Variants in ENAH observed in about 807,000 individuals in gnomAD.
The protein encoded by ENAH is protein enabled homolog.
In ENAH, 23 loss-of-function variants were observed where a neutral mutation model predicts 78.7. The observed-to-expected ratio is 0.29, with a 90% confidence interval of 0.21 to 0.41. The LOEUF (loss-of-function observed/expected upper bound fraction) is 0.41, where lower values mean the gene tolerates loss of function less well. Ranked by LOEUF, ENAH falls within the 10% of genes least tolerant of loss-of-function variation. The pLI, the probability that ENAH is intolerant of heterozygous loss-of-function variation, is 1.00. For synonymous variants in ENAH, 226 were observed against 241.0 expected (o/e 0.94, Z 0.58); for missense variants, 544 against 691.0 (o/e 0.79, Z 2.39).
In ENAH at chr1:225,517,198, T is replaced by G. The variant is rs1180955844; in HGVS notation, c.911A>C (p.Gln304Pro). Residue 304 changes from glutamine (Q) to proline (P), a missense_variant and splice_region_variant, in exon 6 of 14, where the codon CAG becomes CCG. Physicochemically the swap from Gln to Pro is moderately conservative, Grantham distance 76. Around this residue, in one of 4 missense-constraint regions of ENAH, gnomAD observed 366 missense variants for 396.1 expected, o/e 0.92. Transcript: ENST00000366843. Reference protein sequence around the residue: ...ASQPAETPSQQGIVLGPLAPP... With the variant: ...ASQPAETPSQPGIVLGPLAPP... Reference sequence around the variant, plus strand: ...AGTAGCAATAATGAAAGCCTTACCCTGTTGGGATGGAGTCTCGGCCGGCTG... The same window carrying G: ...AGTAGCAATAATGAAAGCCTTACCCGGTTGGGATGGAGTCTCGGCCGGCTG... 1 of 1,531,444 alleles carries G rather than the reference T, an allele frequency of 6.5e-7. No homozygotes were observed. Among genetic ancestry groups the G allele is most frequent in the Non-Finnish European group, 8.8e-7 (1 of 1,137,568 alleles). The allele number at this position is 1,531,444 out of a possible 1,614,324, so 94.9% of individuals were successfully genotyped here. A position where few individuals can be genotyped will look rare whatever the true frequency, so the allele number is the denominator to read the frequency against.
rs1222265738 is a variant in ENAH, at chr1:225,593,389, C to CTGTGTGTGTGTGTGTG, written c.6-25976_6-25975insCACACACACACACACA. On this transcript the variant is annotated intron_variant, in intron 1 of 13. Coordinates refer to ENST00000366843, the MANE Select transcript of ENAH (RefSeq NM_018212.6). ...TATGCTTGCACACTGCAGCCTGCCCCTGTGTGTGTGTGGGGGGGGGGGGGG... is the reference window on the plus strand; with the variant it reads ...TATGCTTGCACACTGCAGCCTGCCCCTGTGTGTGTGTGTGTGTGTGTGTGTGTGGGGGGGGGGGGGG... Among the ~76,000 whole-genome samples, 3 of 20,040 alleles carry CTGTGTGTGTGTGTGTG rather than the reference C, an allele frequency of 1.5e-4. 1 individual carries two copies. The highest frequency in any genetic ancestry group is 3.7e-3 in the East Asian group (2 of 544). 13.1% of individuals were successfully genotyped at this position (20,040 alleles called of 152,430 possible).
intron 1 of ENAH, among the ~76,000 whole-genome samples, chr1:225,590,224 C>T (rs1017199534): frequency 1.3e-5 from 2 of 152,018 alleles, no homozygotes; most frequent in African/African-American, 2.4e-5. Context: ...TGGCTCACGC[C>T]TATAATCCCA....
At position 225,554,496 on chromosome 1, in the gene ENAH, C is replaced by CTT. The variant is rs577199189; in HGVS notation, c.349+408_349+409dup. ...GACCCAGTCCTACTTCAAGTCCATG[C>CTT]TTTGAAAAATGTCTTTCAGAAAACA... is the stretch of plus-strand genomic sequence containing the variant. On this transcript the variant is annotated intron_variant, in intron 3 of 13. Transcript: ENST00000366843. Among the ~76,000 whole-genome samples, 108 of 152,214 alleles carry CTT rather than the reference C, an allele frequency of 7.1e-4. 1 individual carries two copies. The highest frequency in any genetic ancestry group is 2.4e-3 in the African/African-American group (101 of 41,528).
In ENAH at chr1:225,645,306, T is replaced by C. The variant is rs557177926; in HGVS notation, c.5+7380A>G. On this transcript the variant is annotated intron_variant, in intron 1 of 13. Transcript: ENST00000366843. ...TGGAATCATGGCATATATCGCCTTT[T>C]GTGTCTGGCTTATTTCACTTAGCAT... Among the ~76,000 whole-genome samples, 5 of 152,366 alleles carry C rather than the reference T, an allele frequency of 3.3e-5. No individual in the cohort carries two copies. In the East Asian group the frequency reaches 9.6e-4, roughly 29 times the overall value.
chr1:225,529,439 A>G (rs186156397), intron 4 of ENAH, among the ~76,000 whole-genome samples: 53 of 152,290 alleles, frequency 3.5e-4, no homozygotes, highest in African/African-American at 1.3e-3. Context: ...ACTGAGACTG[A>G]TAAGTAATGG....
At chr1:225,547,410 T>A (rs1388440154) in intron 3 of ENAH, among the ~76,000 whole-genome samples, 1 of 152,154 alleles carries the variant, frequency 6.6e-6, no homozygotes, top group Admixed American at 6.5e-5. Flanking sequence ...GTAGCCAGAA[T>A]TCTTTCTTAA....
chr1:225,521,789 T>G (rs1165400619), intron 4 of ENAH, among the ~76,000 whole-genome samples: 1 of 151,992 alleles, frequency 6.6e-6, no homozygotes, highest in South Asian at 2.1e-4. Context: ...ATAGTTTTTT[T>G]GTTTTGTTTT....
intron 3 of ENAH, among the ~76,000 whole-genome samples, chr1:225,537,556 C>G (rs1191222578): frequency 6.6e-6 from 1 of 152,160 alleles, no homozygotes; most frequent in East Asian, 1.9e-4. Context: ...TTTCTTCATT[C>G]AGTCAGGGCA....
intron 1 of ENAH, among the ~76,000 whole-genome samples, chr1:225,638,817 A>G (rs958954403): frequency 4.6e-5 from 7 of 152,236 alleles, no homozygotes; most frequent in African/African-American, 1.7e-4. Flanking sequence ...AACGACATAT[A>G]TGTAAAAATG....
chr1:225,502,568 G>A lies in ENAH; in HGVS notation c.1539-1498C>T, dbSNP rs573597993. On this transcript the variant is annotated intron_variant, in intron 11 of 13. Transcript: ENST00000366843. ...TTAAAAGACTGTTAGGAAGCAAGTC[G>A]TCCAATTTTACTTTATTAGGTATCT... Among the ~76,000 whole-genome samples, 17 of 152,250 alleles carry A rather than the reference G, an allele frequency of 1.1e-4. No individual in the cohort carries two copies. In the South Asian group the frequency reaches 2.5e-3, roughly 22 times the overall value.
chr1:225,517,045 T>A (rs2096424692), intron 6 of ENAH, 151 bp downstream of exon 6: 2 of 559,250 alleles, frequency 3.6e-6, no homozygotes, highest in Admixed American at 7.6e-5. Context: ...CTACTTTAAT[T>A]TTTTTAATTA....
intron 1 of ENAH, among the ~76,000 whole-genome samples, chr1:225,625,283 T>G (rs764623125): frequency 5.3e-5 from 8 of 152,226 alleles, no homozygotes; most frequent in South Asian, 2.1e-4. Context: ...AATTCTAGTC[T>G]TCTTGGCACA....
chr1:225,612,916 AAATT>A (rs1295781479), intron 1 of ENAH, among the ~76,000 whole-genome samples: 1 of 152,206 alleles, frequency 6.6e-6, no homozygotes, highest in African/African-American at 2.4e-5. Context: ...TACATTTACA[AAATT>A]AATTGTGTCA....
chr1:225,617,170 T>G (rs1342055776), intron 1 of ENAH, among the ~76,000 whole-genome samples: 1 of 152,132 alleles, frequency 6.6e-6, no homozygotes, highest in East Asian at 1.9e-4. Flanking sequence ...TGCAAATGCA[T>G]TATCAGACAC....
In ENAH at chr1:225,488,885, T is replaced by C. The variant is rs2096210600; in HGVS notation, c.*8890A>G. On this transcript the variant is annotated 3_prime_UTR_variant, in exon 14 of 14. Transcript: ENST00000366843. ...AATGGCACGGAAGCGGCACCTGGTC[T>C]GCCAAGACATTGCTGTTAAACAGAG... is the stretch of plus-strand genomic sequence containing the variant. 2 of 152,232 alleles carry C rather than the reference T, an allele frequency of 1.3e-5. No homozygotes were observed. The highest frequency in any genetic ancestry group is 4.8e-5 in the African/African-American group (2 of 41,460). The allele number at this position is 152,232 out of a possible 1,614,324, so 9.4% of individuals were successfully genotyped here. A position where few individuals can be genotyped will look rare whatever the true frequency, so the allele number is the denominator to read the frequency against.
intron 1 of ENAH, among the ~76,000 whole-genome samples, chr1:225,623,195 GT>G (rs1376338606): frequency 6.6e-6 from 1 of 152,098 alleles, no homozygotes; most frequent in Non-Finnish European, 1.5e-5. Context: ...AACAAAGGTG[GT>G]TTTAATTTTG....
At chr1:225,530,820 T>C (rs1252567505) in intron 3 of ENAH, among the ~76,000 whole-genome samples, 182 bp from the exon 4 acceptor site, 1 of 152,174 alleles carries the variant, frequency 6.6e-6, no homozygotes, top group Non-Finnish European at 1.5e-5. Flanking sequence ...AACATAATAC[T>C]GTCATCATCT....
chr1:225,500,667 C>T (rs1034903651), intron 12 of ENAH, among the ~76,000 whole-genome samples: 5 of 152,148 alleles, frequency 3.3e-5, no homozygotes, highest in Non-Finnish European at 7.3e-5. Context: ...TTGTTGGGTT[C>T]AATTTTGCCA....
At chr1:225,558,627 C>CTCT (rs748871066) in intron 2 of ENAH, among the ~76,000 whole-genome samples, 74 of 69,248 alleles carry the variant, frequency 1.1e-3, no homozygotes, top group African/African-American at 4.0e-3. Flanking sequence ...TAATTTCTGC[C>CTCT]TTTTTTTTTT....
Sources: gnomAD v4.1 joint callset for allele counts (sites outside exome capture counted in the v4.1 genomes callset) on GRCh38, gnomAD v4.1.1 for gene constraint, gnomAD v4.1.1 regional missense constraint, MANE v1.5 for transcripts, NCBI Gene and HGNC (gene_info 2026-07-23, HGNC 2026-07-21) for gene names.